The following CLIP2 variants were observed in gnomAD, a reference collection of about 807,000 sequenced individuals.
CLIP2 encodes CAP-Gly domain-containing linker protein 2.
A neutral mutation model predicts 111.7 loss-of-function variants in CLIP2; 41 were observed. The ratio of observed to expected loss-of-function variants is 0.37; its 90% CI spans 0.29 to 0.48. The LOEUF is 0.48. CLIP2 is among the 20% of genes least tolerant of loss of function. CLIP2 has a pLI of 0.99. For missense variants in CLIP2, 1,160 were observed against 1,422.1 expected (o/e 0.82, Z 2.96); for synonymous variants, 660 against 644.2 (o/e 1.02, Z -0.37).
At chr7:74,395,557 G>A (rs1791422788) in intron 13 of CLIP2, among the ~76,000 whole-genome samples, 2 of 152,192 alleles carry the variant, frequency 1.3e-5, no homozygotes, top group African/African-American at 4.8e-5. Context: ...CTCCCAAAGT[G>A]CTGGGATTAC....
intron 2 of CLIP2, among the ~76,000 whole-genome samples, chr7:74,337,845 C>T (rs1305710299): frequency 6.6e-6 from 1 of 152,084 alleles, no homozygotes; most frequent in Non-Finnish European, 1.5e-5. Flanking sequence ...ATCCGCCTGC[C>T]TCGGCCTCCC....
chr7:74,329,513 T>C (rs1193109359), intron 2 of CLIP2, among the ~76,000 whole-genome samples: 1 of 152,220 alleles, frequency 6.6e-6, no homozygotes, highest in African/African-American at 2.4e-5. Context: ...TTTGTTGAAG[T>C]TGCTGTTTCT....
rs35998254 is a variant in CLIP2, at chr7:74,338,212, T to C, written c.122-236T>C. On this transcript the variant is annotated intron_variant, in intron 2 of 16. Coordinates refer to ENST00000223398, the MANE Select transcript of CLIP2 (RefSeq NM_003388.5). This position sits in a 1 kb window ranked among gnomAD's most constrained non-coding sequence, Gnocchi z 4.3. ...GCAAGACCCTGTCTCAAAAAGTAAA[T>C]AAACAGGGGTTGGGTGTGGTGCCTC... Among the ~76,000 whole-genome samples, 92,387 of 151,116 alleles carry C rather than the reference T, an allele frequency of 0.61. 30,154 individuals are homozygous for C. Among genetic ancestry groups the C allele is most frequent in the Middle Eastern group, 0.74 (217 of 292 alleles).
At position 74,404,147 on chromosome 7, in the gene CLIP2, CG is replaced by C; in HGVS notation, c.*301del. 2.3e-6 allele frequency: 1 copy of C among 430,492 alleles called. No individual in the cohort carries two copies. The highest frequency in any genetic ancestry group is 4.3e-6 in the Non-Finnish European group (1 of 230,062). 26.7% of individuals were successfully genotyped at this position (430,492 alleles called of 1,614,324 possible). A position where few individuals can be genotyped will look rare whatever the true frequency, so the allele number is the denominator to read the frequency against. On this transcript the variant is annotated 3_prime_UTR_variant, in exon 17 of 17. Transcript: ENST00000223398. ...TTTGTCAGTGGAGGCAGAGGGGATCCGGCCAGGCCCCTCTGTCCAGAAGGAG... is the reference window on the plus strand; with the variant it reads ...TTTGTCAGTGGAGGCAGAGGGGATCCGCCAGGCCCCTCTGTCCAGAAGGAG...
At chr7:74,360,082 C>A in intron 6 of CLIP2, 93 bp from the exon 7 acceptor site, 1 of 1,028,230 alleles carries the variant, frequency 9.7e-7, no homozygotes, top group South Asian at 1.5e-5. Context: ...GGGTTCCAGG[C>A]CCTGCTCCTT....
chr7:74,357,665 C>G (rs1373392605), intron 6 of CLIP2, among the ~76,000 whole-genome samples, 188 bp downstream of exon 6: 2 of 152,056 alleles, frequency 1.3e-5, no homozygotes, highest in African/African-American at 4.8e-5. Flanking sequence ...TCTTTTCTGC[C>G]TATGTATAAG....
In CLIP2 at chr7:74,386,457, G is replaced by A. The variant is rs1791102625; in HGVS notation, c.2480-64G>A. The A allele has an allele frequency of 1.3e-5, 18 of 1,377,168 alleles. No individual in the cohort carries two copies. The South Asian group carries it at 2.2e-4, about 17-fold the overall frequency. The allele number at this position is 1,377,168 out of a possible 1,614,324, so 85.3% of individuals were successfully genotyped here. ...ACAGAGCTCCTGTGGGAGGGCCATG[G>A]CCCTACCCACTGCTGCTTTGGTCCA... On this transcript the variant is annotated intron_variant, in intron 11 of 16. Coordinates refer to ENST00000223398, the MANE Select transcript of CLIP2 (RefSeq NM_003388.5).
chr7:74,303,740 C>A (rs1356579697), intron 1 of CLIP2, among the ~76,000 whole-genome samples: 3 of 151,262 alleles, frequency 2.0e-5, no homozygotes, highest in East Asian at 3.9e-4. Flanking sequence ...GGTGAAACCC[C>A]GTCTCTACTA....
intron 2 of CLIP2, among the ~76,000 whole-genome samples, chr7:74,320,306 G>T (rs897296409): frequency 5.3e-5 from 8 of 151,848 alleles, no homozygotes; most frequent in African/African-American, 1.9e-4. Context: ...CAGGAGGATC[G>T]CTTGAGCAGT....
In CLIP2 at chr7:74,376,435, C is replaced by CGTGAAG; in HGVS notation, c.2036_2041dup (p.Val679_Lys680dup). On this transcript the variant is annotated inframe_insertion, in exon 10 of 17. Coordinates refer to ENST00000223398, the MANE Select transcript of CLIP2 (RefSeq NM_003388.5). The surrounding 1 kb of genome is among the most constrained non-coding windows in gnomAD (Gnocchi z 7.1). ...AGCATGACCTGGAGACCGCCATGCA[C>CGTGAAG]GTGAAGGAGAAGGAGGCCCTGCGAG... 2 of 1,613,970 alleles carry CGTGAAG rather than the reference C, an allele frequency of 1.2e-6. No homozygotes were observed. Among genetic ancestry groups the CGTGAAG allele is most frequent in the Non-Finnish European group, 1.7e-6 (2 of 1,180,014 alleles).
chr7:74,309,184 G>T (rs1788576004), intron 1 of CLIP2, among the ~76,000 whole-genome samples: 1 of 151,380 alleles, frequency 6.6e-6, no homozygotes, highest in East Asian at 2.0e-4. Context: ...CATCTTAAGT[G>T]TATGGTTTGG....
chr7:74,317,370 T>C, intron 1 of CLIP2, 110 bp from the exon 2 acceptor site: 1 of 644,048 alleles, frequency 1.6e-6, no homozygotes, highest in South Asian at 7.4e-5. Context: ...TTAAATCGGG[T>C]GTTGCCTCGT....
intron 8 of CLIP2, among the ~76,000 whole-genome samples, chr7:74,369,472 G>A (rs1790546020): frequency 6.6e-6 from 1 of 152,082 alleles, no homozygotes; most frequent in Non-Finnish European, 1.5e-5. Context: ...GAGTCCAGGA[G>A]GTTGAGGCTA....
At chr7:74,371,675 GGAGAGAGACGGGGGGGAGAAAGAAGA>G (rs1274360358) in intron 8 of CLIP2, among the ~76,000 whole-genome samples, 3 of 133,718 alleles carry the variant, frequency 2.2e-5, no homozygotes, top group South Asian at 3.0e-4. Context: ...AAGAAAGGAG[GGAGAGAGACGGGGGGGAGAAAGAAGA>G]GAGAGAAAGT....
At chr7:74,379,122 C>T (rs1304907253) in intron 10 of CLIP2, among the ~76,000 whole-genome samples, 1 of 152,122 alleles carries the variant, frequency 6.6e-6, no homozygotes, top group African/African-American at 2.4e-5. Context: ...AGTCCCTGCC[C>T]CTCATTCACA....
At chr7:74,349,470 GTATATATATATATATATATATATA>G (rs1158400867) in intron 3 of CLIP2, among the ~76,000 whole-genome samples, 1,401 of 33,864 alleles carry the variant, frequency 0.041, 98 homozygotes, top group African/African-American at 0.12. Flanking sequence ...GTGTGTGTGT[GTATATATATATATATATATATATA>G]TATATATATA....
intron 7 of CLIP2, among the ~76,000 whole-genome samples, chr7:74,361,204 C>CTTCCTTCCTTCCTTCCTTCCTTCT: frequency 7.6e-6 from 1 of 131,360 alleles, no homozygotes; most frequent in African/African-American, 2.8e-5. Flanking sequence ...TCCTTCCTTC[C>CTTCCTTCCTTCCTTCCTTCCTTCT]TTCCCTCCCT....
intron 11 of CLIP2, chr7:74,381,714 G>A (rs949642180): frequency 2.3e-6 from 1 of 439,942 alleles, no homozygotes; most frequent in African/African-American, 2.0e-5. Flanking sequence ...AATGTATCTT[G>A]GAGAGGGTTC....
chr7:74,396,579 G>A (rs1297041601), intron 13 of CLIP2, among the ~76,000 whole-genome samples: 1 of 152,106 alleles, frequency 6.6e-6, no homozygotes, highest in Non-Finnish European at 1.5e-5. Flanking sequence ...GGAGTGCAAT[G>A]GCACGATCTT....
Sources: allele counts gnomAD v4.1 joint callset (sites outside exome capture counted in the v4.1 genomes callset), GRCh38; gene constraint gnomAD v4.1.1; non-coding constraint Gnocchi (gnomAD v3.1); transcripts MANE v1.5; gene names NCBI Gene and HGNC (gene_info 2026-07-23, HGNC 2026-07-21).